The following CERS6 variants were observed in gnomAD, a reference collection of about 807,000 sequenced individuals.
CERS6 encodes the protein LAG1 homolog, ceramide synthase 6.
CERS6 carries 26 observed loss-of-function variants against 56.8 expected under a neutral mutation model. The ratio of observed to expected loss-of-function variants is 0.46; its 90% CI spans 0.34 to 0.63. The LOEUF (loss-of-function observed/expected upper bound fraction) is 0.63, where lower values mean the gene tolerates loss of function less well. Among genes scored for constraint, CERS6 ranks in the 30% least tolerant of loss-of-function variants. The probability of loss-of-function intolerance (pLI) is 0.01; values close to 1 mark genes in which losing one functional copy is unlikely to be tolerated. For synonymous variants in CERS6, 164 were observed against 173.3 expected (o/e 0.95, Z 0.42); for missense variants, 415 against 467.5 (o/e 0.89, Z 1.04).
rs1358376452 is a variant in CERS6, at chr2:168,547,686, C to T, written c.261C>T (p.Phe87=). The T allele has an allele frequency of 1.9e-6, 3 of 1,607,536 alleles. No individual in the cohort carries two copies. Among genetic ancestry groups the T allele is most frequent in the East Asian group, 2.2e-5 (1 of 44,868 alleles). ...CCAATGCCATTCTGGAAAAGGTCTT[C>T]ACTGCAATTACAAAGGTATGATTGT... The part of the protein sequence containing the change: ...APPNAILEKV[F]TAITKHPDEK... The change falls in exon 2 of 10, where the codon TTC becomes TTT. Residue 87 remains phenylalanine (F), a synonymous_variant. Transcript: ENST00000305747.
intron 1 of CERS6, among the ~76,000 whole-genome samples, chr2:168,544,722 A>G (rs1375882780): frequency 6.6e-6 from 1 of 152,158 alleles, no homozygotes; most frequent in Non-Finnish European, 1.5e-5. Context: ...TTTTATGTCC[A>G]CATGGGACCC....
At chr2:168,631,965 G>A (rs1311367625) in intron 4 of CERS6, among the ~76,000 whole-genome samples, 3 of 148,562 alleles carry the variant, frequency 2.0e-5, no homozygotes, top group Non-Finnish European at 4.4e-5. Context: ...AACTGCTGGT[G>A]GAAAATTTCA....
chr2:168,617,197 C>T (rs1204850479), intron 3 of CERS6, among the ~76,000 whole-genome samples: 1 of 152,080 alleles, frequency 6.6e-6, no homozygotes, highest in Non-Finnish European at 1.5e-5. Context: ...ACAATAGTGG[C>T]TCAACCTGTC....
intron 1 of CERS6, among the ~76,000 whole-genome samples, chr2:168,467,188 A>T (rs773562194): frequency 1.3e-5 from 2 of 152,228 alleles, no homozygotes; most frequent in African/African-American, 2.4e-5. Flanking sequence ...GGTGTTTAGA[A>T]AACCATCTAA....
intron 1 of CERS6, among the ~76,000 whole-genome samples, chr2:168,545,080 TACATACATGTATTTGTAGAAAC>T (rs1166706570): frequency 2.0e-4 from 30 of 151,696 alleles, no homozygotes; most frequent in Admixed American, 1.0e-3. Context: ...GATTTTTAAA[TACATACATGTATTTGTAGAAAC>T]ACATACATGT....
intron 4 of CERS6, among the ~76,000 whole-genome samples, chr2:168,662,816 T>C (rs1408004572): frequency 6.6e-6 from 1 of 152,174 alleles, no homozygotes; most frequent in African/African-American, 2.4e-5. Context: ...CAGCGTACAA[T>C]ATGTGGTATA....
intron 1 of CERS6, among the ~76,000 whole-genome samples, chr2:168,494,489 A>G (rs1052410191): frequency 6.6e-6 from 1 of 152,234 alleles, no homozygotes; most frequent in East Asian, 1.9e-4. Context: ...AAATTAAAAC[A>G]TATATCTAAC....
Position 168,715,100 on chromosome 2 carries a change from C to G in CERS6, c.709C>G (p.Leu237Val), listed in dbSNP as rs116510340. 9.9e-4 allele frequency: 1,595 copies of G among 1,612,512 alleles called. 14 individuals are homozygous for G. In the African/African-American group the frequency reaches 0.019, roughly 19 times the overall value. The change falls in exon 7 of 10, where the codon CTT becomes GTT. Residue 237 changes from leucine (L) to valine (V), a missense_variant. Leu to Val is a conservative substitution (Grantham distance 32). Transcript: ENST00000305747. ...MARVGTLVLCLHDSADALLEA... is the reference protein window; with the variant it reads ...MARVGTLVLCVHDSADALLEA... ...CCGAGTAGGAACGCTGGTCCTTTGT[C>G]TTCATGATTCAGCTGATGCTCTTCT...
chr2:168,647,543 A>G (rs918248863), intron 4 of CERS6, among the ~76,000 whole-genome samples: 5 of 152,152 alleles, frequency 3.3e-5, no homozygotes, highest in Admixed American at 1.3e-4. Flanking sequence ...GAGGACTTCT[A>G]ATACTGTGTT....
intron 3 of CERS6, among the ~76,000 whole-genome samples, chr2:168,629,669 G>A (rs1441081380): frequency 6.6e-6 from 1 of 152,096 alleles, no homozygotes; most frequent in Non-Finnish European, 1.5e-5. Context: ...AGTCTTATGT[G>A]ACTGCCTAAG....
intron 3 of CERS6, among the ~76,000 whole-genome samples, chr2:168,617,717 C>T (rs1684352176): frequency 1.3e-5 from 2 of 152,014 alleles, no homozygotes; most frequent in Admixed American, 1.3e-4. Flanking sequence ...CAATAACAAG[C>T]AGTGAGATTC....
At chr2:168,765,831 T>G (rs1684718156) in intron 9 of CERS6, 83 bp downstream of exon 9, 1 of 1,231,728 alleles carries the variant, frequency 8.1e-7, no homozygotes, top group South Asian at 1.6e-5. Context: ...TACTATTCCA[T>G]ATTTCATCAA....
At chr2:168,505,398 A>AG (rs1553486015) in intron 1 of CERS6, among the ~76,000 whole-genome samples, 34 of 150,174 alleles carry the variant, frequency 2.3e-4, no homozygotes, top group Admixed American at 1.3e-3. Context: ...AAAAAAAAAA[A>AG]AAAGAAAAAA....
intron 3 of CERS6, among the ~76,000 whole-genome samples, chr2:168,629,970 C>A (rs1684674713): frequency 6.6e-6 from 1 of 151,910 alleles, no homozygotes; most frequent in Non-Finnish European, 1.5e-5. Context: ...ACGCCCGCCA[C>A]TAAGCCTGTC....
chr2:168,487,449 T>C (rs1694295367), intron 1 of CERS6, among the ~76,000 whole-genome samples: 1 of 152,196 alleles, frequency 6.6e-6, no homozygotes, highest in Non-Finnish European at 1.5e-5. Context: ...AAAATATTAA[T>C]TGGAAGGACA....
intron 3 of CERS6, among the ~76,000 whole-genome samples, chr2:168,626,154 T>A (rs1574109474): frequency 3.3e-5 from 5 of 152,050 alleles, no homozygotes; most frequent in African/African-American, 1.2e-4. Flanking sequence ...GAAAAAAAAA[T>A]AAAGATGTTG....
At position 168,772,222 on chromosome 2, in the gene CERS6, A is replaced by G. The variant is rs1055599360; in HGVS notation, c.*2560A>G. On this transcript the variant is annotated 3_prime_UTR_variant, in exon 10 of 10. Coordinates refer to ENST00000305747, the MANE Select transcript of CERS6 (RefSeq NM_203463.3). The stretch of plus-strand genomic sequence containing the variant: ...TCGTTAATTAACTTAGCCTGTGTTG[A>G]TATCTCCTCCTTCCTGGTCACATTC... 3 of 152,306 alleles carry G rather than the reference A, an allele frequency of 2.0e-5. No individual in the cohort carries two copies. The highest frequency in any genetic ancestry group is 4.8e-5 in the African/African-American group (2 of 41,444). 9.4% of individuals were successfully genotyped at this position (152,306 alleles called of 1,614,324 possible).
chr2:168,629,917 G>A (rs879272652), intron 3 of CERS6, among the ~76,000 whole-genome samples: 7 of 151,726 alleles, frequency 4.6e-5, no homozygotes, highest in African/African-American at 1.7e-4. Context: ...CCGGGTTCAC[G>A]CCATTCTCCT....
intron 3 of CERS6, among the ~76,000 whole-genome samples, chr2:168,562,710 G>A (rs905424962): frequency 6.6e-6 from 1 of 152,176 alleles, no homozygotes; most frequent in Non-Finnish European, 1.5e-5. Flanking sequence ...ATGTATAGTC[G>A]GGTTTTATAC....
Sources: allele counts gnomAD v4.1 joint callset (sites outside exome capture counted in the v4.1 genomes callset), GRCh38; gene constraint gnomAD v4.1.1; transcripts MANE v1.5; gene names NCBI Gene and HGNC (gene_info 2026-07-23, HGNC 2026-07-21).